Variants in SRSF6 observed in about 807,000 individuals in gnomAD.
SRSF6 encodes serine/arginine-rich splicing factor 6.
A neutral mutation model predicts 42.0 loss-of-function variants in SRSF6; 17 were observed. That is an observed-to-expected ratio of 0.40 (90% confidence interval 0.28 to 0.61). The LOEUF (loss-of-function observed/expected upper bound fraction) is 0.61, where lower values mean the gene tolerates loss of function less well. Among genes scored for constraint, SRSF6 ranks in the 20% least tolerant of loss-of-function variants. The pLI, the probability that SRSF6 is intolerant of heterozygous loss-of-function variation, is 0.37. For synonymous variants in SRSF6, 204 were observed against 166.7 expected (o/e 1.22, Z -1.72); for missense variants, 379 against 471.4 (o/e 0.80, Z 1.81).
chr20:43,459,143 A>C, intron 2 of SRSF6: 1 of 1,351,872 alleles, frequency 7.4e-7, no homozygotes, highest in Non-Finnish European at 9.8e-7. Context: ...TTGATGTTTC[A>C]ATTTGAAAGT....
At chr20:43,458,231 C>G in intron 1 of SRSF6, 91 bp downstream of exon 1, 1 of 1,461,024 alleles carries the variant, frequency 6.8e-7, no homozygotes, top group Non-Finnish European at 9.1e-7. Context: ...GCCGCGGCGC[C>G]GCGTGGCAGG....
At position 43,458,556 on chromosome 20, in the gene SRSF6, C is replaced by T. The variant is rs976783559; in HGVS notation, c.256+47C>T. The T allele has an allele frequency of 9.8e-6, 14 of 1,422,800 alleles. No individual in the cohort carries two copies. The African/African-American group carries it at 1.7e-4, about 17-fold the overall frequency. The allele number at this position is 1,422,800 out of a possible 1,614,324, so 88.1% of individuals were successfully genotyped here. Reference sequence around the variant, plus strand: ...TCCGCGCCCTTGGGGACCCTGGGGGCGGGGGTGGGTGGGGTGGGGCCTCCC... The same window carrying T: ...TCCGCGCCCTTGGGGACCCTGGGGGTGGGGGTGGGTGGGGTGGGGCCTCCC... On this transcript the variant is annotated intron_variant, in intron 2 of 5. Coordinates refer to ENST00000244020, the MANE Select transcript of SRSF6 (RefSeq NM_006275.6).
At chr20:43,458,552 G>A (rs1365281595) in intron 2 of SRSF6, 43 bp downstream of exon 2, 5 of 1,445,760 alleles carry the variant, frequency 3.5e-6, no homozygotes, top group Non-Finnish European at 4.5e-6. Flanking sequence ...GGGGACCCTG[G>A]GGGCGGGGGT....
At chr20:43,459,682 T>C (rs1241735477) in intron 2 of SRSF6, 89 bp from the exon 3 acceptor site, 3 of 1,589,420 alleles carry the variant, frequency 1.9e-6, no homozygotes, top group Non-Finnish European at 2.6e-6. Context: ...CTCCAGTAAA[T>C]AAAAGTTGAT....
At position 43,461,798 on chromosome 20, in the gene SRSF6, T is replaced by G. The variant is rs1469216669; in HGVS notation, c.*735T>G. ...AGTCAATGTGTTCCATGATTTTGCTTAAATTAATACTTTTAAGTAATGGAA... is the reference window on the plus strand; with the variant it reads ...AGTCAATGTGTTCCATGATTTTGCTGAAATTAATACTTTTAAGTAATGGAA... On this transcript the variant is annotated 3_prime_UTR_variant, in exon 6 of 6. Transcript: ENST00000244020. The G allele has an allele frequency of 6.6e-6, 1 of 152,614 alleles. No individual in the cohort carries two copies. The highest frequency in any genetic ancestry group is 1.5e-5 in the Non-Finnish European group (1 of 68,040). 9.5% of individuals were successfully genotyped at this position (152,614 alleles called of 1,614,324 possible). A position where few individuals can be genotyped will look rare whatever the true frequency, so the allele number is the denominator to read the frequency against.
rs59809619 is a variant in SRSF6 at position 43,462,904 on chromosome 20, T to C, written c.*1841T>C. ...GGAAAGAAAATGATGTCTGTTGTTA[T>C]AGTTCATTGTTTTGCCTACTCAGCA... On this transcript the variant is annotated 3_prime_UTR_variant, in exon 6 of 6. Coordinates refer to ENST00000244020, the MANE Select transcript of SRSF6 (RefSeq NM_006275.6). 1.7e-3 allele frequency: 255 copies of C among 152,622 alleles called. 2 individuals are homozygous for C. The highest frequency in any genetic ancestry group is 5.9e-3 in the African/African-American group (245 of 41,584). 9.5% of individuals were successfully genotyped at this position (152,622 alleles called of 1,614,324 possible). A position where few individuals can be genotyped will look rare whatever the true frequency, so the allele number is the denominator to read the frequency against.
At position 43,461,340 on chromosome 20, in the gene SRSF6, T is replaced by TTTG. The variant is rs1568901664; in HGVS notation, c.*279_*280insGTT. On this transcript the variant is annotated 3_prime_UTR_variant, in exon 6 of 6. Transcript: ENST00000244020. Reference sequence around the variant, plus strand: ...AAGATTAAGCTCATTTAGTGTTGTTTTTTTTTTTTTTTTTTTTTTTTTTTT... The same window carrying TTTG: ...AAGATTAAGCTCATTTAGTGTTGTTTTTGTTTTTTTTTTTTTTTTTTTTTTTTT... The TTTG allele has an allele frequency of 1.0e-4, 2 of 19,804 alleles. No individual in the cohort carries two copies. The highest frequency in any genetic ancestry group is 2.4e-4 in the African/African-American group (2 of 8,248). 1.2% of individuals were successfully genotyped at this position (19,804 alleles called of 1,614,324 possible). A position where few individuals can be genotyped will look rare whatever the true frequency, so the allele number is the denominator to read the frequency against.
chr20:43,460,490 G>A (rs1159967745), intron 4 of SRSF6, 25 bp from the exon 5 acceptor site: 28 of 1,610,490 alleles, frequency 1.7e-5, no homozygotes, highest in Non-Finnish European at 2.2e-5. Context: ...TTGGGATTAA[G>A]ACTTCATTGT....
chr20:43,461,181 G>C lies in SRSF6; in HGVS notation c.*118G>C, dbSNP rs1208051193. 4 of 1,387,074 alleles carry C rather than the reference G, an allele frequency of 2.9e-6. No homozygotes were observed. The highest frequency in any genetic ancestry group is 2.9e-5 in the African/African-American group (2 of 67,966). The allele number at this position is 1,387,074 out of a possible 1,614,324, so 85.9% of individuals were successfully genotyped here. ...AATCTCTTGAAAACAGGGGCACACA[G>C]AAATTTGATTTGTGGCCAAATTGGA... On this transcript the variant is annotated 3_prime_UTR_variant, in exon 6 of 6. Coordinates refer to ENST00000244020, the MANE Select transcript of SRSF6 (RefSeq NM_006275.6).
intron 1 of SRSF6, 27 bp downstream of exon 1, chr20:43,458,167 C>T (rs777125520): frequency 2.5e-6 from 4 of 1,604,122 alleles, no homozygotes; most frequent in Admixed American, 1.7e-5. Context: ...CGCCCGCGCC[C>T]AGCGTCCCAG....
In SRSF6 at chr20:43,460,141, G is replaced by A; in HGVS notation, c.490G>A (p.Asp164Asn). The change falls in exon 4 of 6, where the codon GAC becomes AAC. Residue 164 changes from aspartate to asparagine, a missense_variant. Asp to Asn is a conservative substitution (Grantham distance 23, BLOSUM62 1). Transcript: ENST00000244020. The stretch of plus-strand genomic sequence containing the variant: ...CTACTCTGACATGAAGCGTGCTTTG[G>A]ACAAACTGGATGGCACAGAAATAAA... ...RSYSDMKRAL[D>N]KLDGTEINGR... The A allele has an allele frequency of 6.2e-7, 1 of 1,614,232 alleles. No homozygotes were observed. The highest frequency in any genetic ancestry group is 1.1e-5 in the South Asian group (1 of 91,086).
Position 43,458,496 on chromosome 20 carries a change from C to T in SRSF6, c.243C>T (p.Ser81=), listed in dbSNP as rs542890218. The T allele has an allele frequency of 9.5e-4, 1,432 of 1,506,494 alleles. 1 individual carries two copies. Among genetic ancestry groups the T allele is most frequent in the Middle Eastern group, 2.6e-3 (11 of 4,268 alleles). 93.3% of individuals were successfully genotyped at this position (1,506,494 alleles called of 1,614,324 possible). A position where few individuals can be genotyped will look rare whatever the true frequency, so the allele number is the denominator to read the frequency against. The change falls in exon 2 of 6, where the codon AGC becomes AGT. Residue 81 remains serine (S), a synonymous_variant. Transcript: ENST00000244020. ...CGCGTCGCGATCGCGACGGCTACAG[C>T]TACGGAAGCCGCAGTGAGTCCCACC... ...RGPRRDRDGY[S]YGSRSGGGGY...
At chr20:43,458,208 A>C in intron 1 of SRSF6, 68 bp downstream of exon 1, 1 of 1,537,710 alleles carries the variant, frequency 6.5e-7, no homozygotes, top group Non-Finnish European at 8.8e-7. Context: ...CTCCAAGGAA[A>C]GAAGCGGCCA....
chr20:43,461,345 T>TTTTTTTTTTTTTTTTA lies in SRSF6; in HGVS notation c.*297_*298insATTTTTTTTTTTTTTT, dbSNP rs2017592766. On this transcript the variant is annotated 3_prime_UTR_variant, in exon 6 of 6. Coordinates refer to ENST00000244020, the MANE Select transcript of SRSF6 (RefSeq NM_006275.6). ...TAAGCTCATTTAGTGTTGTTTTTTT[T>TTTTTTTTTTTTTTTTA]TTTTTTTTTTTTTTTTTTTTTTTTT... The TTTTTTTTTTTTTTTTA allele has an allele frequency of 2.4e-5, 1 of 41,012 alleles. No individual in the cohort carries two copies. The highest frequency in any genetic ancestry group is 8.0e-5 in the African/African-American group (1 of 12,506). The allele number at this position is 41,012 out of a possible 1,614,324, so 2.5% of individuals were successfully genotyped here. A position where few individuals can be genotyped will look rare whatever the true frequency, so the allele number is the denominator to read the frequency against.
At chr20:43,460,361 TGCATCATTGC>T (rs1419544611) in intron 4 of SRSF6, 120 bp downstream of exon 4, 9 of 1,346,590 alleles carry the variant, frequency 6.7e-6, no homozygotes, top group Non-Finnish European at 9.4e-6. Flanking sequence ...GTTTTGGCTG[TGCATCATTGC>T]GTTCTTTTCT....
At position 43,461,184 on chromosome 20, in the gene SRSF6, A is replaced by G; in HGVS notation, c.*121A>G. 1.4e-6 allele frequency: 2 copies of G among 1,385,010 alleles called. No individual in the cohort carries two copies. Among genetic ancestry groups the G allele is most frequent in the South Asian group, 1.9e-5 (1 of 53,978 alleles). 85.8% of individuals were successfully genotyped at this position (1,385,010 alleles called of 1,614,324 possible). ...CTCTTGAAAACAGGGGCACACAGAA[A>G]TTTGATTTGTGGCCAAATTGGATGA... On this transcript the variant is annotated 3_prime_UTR_variant, in exon 6 of 6. Transcript: ENST00000244020.
chr20:43,461,060 T>G lies in SRSF6; in HGVS notation c.1032T>G (p.Asp344Glu), dbSNP rs763325238. 22 of 1,571,494 alleles carry G rather than the reference T, an allele frequency of 1.4e-5. No individual in the cohort carries two copies. In the African/African-American group the frequency reaches 2.7e-4, roughly 20 times the overall value. The change falls in exon 6 of 6, where the codon GAT becomes GAG. Residue 344 changes from aspartate to glutamate, a missense_variant. Physicochemically the swap from Asp to Glu is conservative, Grantham distance 45. Transcript: ENST00000244020. ...SRSRSRSSSR[D>E] ...CAAGGTCCAGGTCGAGTTCCAGAGA[T>G]TAACTCAGAACTCCTTGTTTGCACA...
intron 3 of SRSF6, 33 bp downstream of exon 3, chr20:43,459,928 GACT>G: frequency 6.2e-7 from 1 of 1,601,554 alleles, no homozygotes; most frequent in Non-Finnish European, 8.5e-7. Context: ...GAAATGATAT[GACT>G]AATGCTTTAA....
rs766580814 is a variant in SRSF6, at chr20:43,460,806, C to T, written c.778C>T (p.His260Tyr). The T allele has an allele frequency of 3.7e-6, 6 of 1,614,050 alleles. No homozygotes were observed. In the South Asian group the frequency reaches 4.4e-5, roughly 12 times the overall value. ...CAAGTCTGATCGGGGCTCCCATTCACATTCTCGAAGCAGATCTAAGGATGA... is the reference window on the plus strand; with the variant it reads ...CAAGTCTGATCGGGGCTCCCATTCATATTCTCGAAGCAGATCTAAGGATGA... ...KPKSDRGSHS[H>Y]SRSRSKDEYE... Residue 260 changes from histidine (H) to tyrosine (Y), a missense_variant, in exon 6 of 6, where the codon CAT (histidine) becomes TAT (tyrosine). His to Tyr is a moderately conservative substitution (Grantham distance 83, BLOSUM62 2). Transcript: ENST00000244020.
Sources: gnomAD v4.1 joint callset for allele counts on GRCh38, gnomAD v4.1.1 for gene constraint, MANE v1.5 for transcripts, NCBI Gene and HGNC (gene_info 2026-07-23, HGNC 2026-07-21) for gene names.